TTC22: variants seen among roughly 807,000 people sequenced by gnomAD.
The protein encoded by TTC22 is tetratricopeptide repeat domain 22.
Under a neutral mutation model 48.2 loss-of-function variants are expected in TTC22, and 42 were observed. The observed-to-expected ratio is 0.87, with a 90% CI of 0.68 to 1.13. The LOEUF (loss-of-function observed/expected upper bound fraction) is 1.13, where lower values mean the gene tolerates loss of function less well. Among genes scored for constraint, TTC22 ranks in the 50% most tolerant of loss-of-function variants. TTC22 has a pLI of 0.00. For synonymous variants in TTC22, 345 were observed against 365.5 expected (o/e 0.94, Z 0.64); for missense variants, 784 against 807.0 (o/e 0.97, Z 0.34).
At chr1:54,796,176 G>A (rs949997192) in intron 1 of TTC22, among the ~76,000 whole-genome samples, 2 of 152,216 alleles carry the variant, frequency 1.3e-5, no homozygotes, top group Non-Finnish European at 2.9e-5. Flanking sequence ...GTGTGTGCGC[G>A]TGTGTGTGTC....
rs1218326444 is a variant in TTC22, at chr1:54,782,550, A to G, written c.1021-73T>C. ...CTGCCTTCCTCTCTGCTCTAAATGAACCCAGTCTTTTTTTCAACAGCAACC... is the reference window on the plus strand; with the variant it reads ...CTGCCTTCCTCTCTGCTCTAAATGAGCCCAGTCTTTTTTTCAACAGCAACC... On this transcript the variant is annotated intron_variant, in intron 5 of 6. Coordinates refer to ENST00000371276, the MANE Select transcript of TTC22 (RefSeq NM_001114108.2). The G allele has an allele frequency of 5.0e-6, 7 of 1,407,902 alleles. No individual in the cohort carries two copies. The African/African-American group carries it at 1.0e-4, about 21-fold the overall frequency. The allele number at this position is 1,407,902 out of a possible 1,614,324, so 87.2% of individuals were successfully genotyped here.
rs144138503 is a variant in TTC22, at chr1:54,796,704, T to C, written c.567+3893A>G. ...GCTTGGGACAGGGATTTTTTTTTAA[T>C]CTTAGACAATAAATAGGGATTTTAT... On this transcript the variant is annotated intron_variant, in intron 1 of 6. Coordinates refer to ENST00000371276, the MANE Select transcript of TTC22 (RefSeq NM_001114108.2). Among the ~76,000 whole-genome samples, 20 of 152,108 alleles carry C rather than the reference T, an allele frequency of 1.3e-4. No individual in the cohort carries two copies. In the East Asian group the frequency reaches 3.9e-3, roughly 29 times the overall value.
chr1:54,789,408 G>A (rs911652980), intron 1 of TTC22, among the ~76,000 whole-genome samples: 2 of 152,240 alleles, frequency 1.3e-5, no homozygotes, highest in African/African-American at 4.8e-5. Context: ...TGATGGGTGT[G>A]CAGCACACAG....
Position 54,787,066 on chromosome 1 carries a change from C to A in TTC22, c.749G>T (p.Trp250Leu). The stretch of plus-strand genomic sequence containing the variant: ...CTCCAGCAGCATCCCGAGGTAGCAC[C>A]AGGCCAGGGCTGGGGGTGAAGGGTG... ...SEDPRHRALAWCYLGMLLERK... is the reference protein window; with the variant it reads ...SEDPRHRALALCYLGMLLERK... The change falls in exon 4 of 7, where the codon TGG becomes TTG. Residue 250 changes from tryptophan (W) to leucine (L), a missense_variant. By Grantham distance (61) the Trp-to-Leu change is moderately conservative. Transcript: ENST00000371276. The A allele has an allele frequency of 2.0e-6, 3 of 1,513,944 alleles. No individual in the cohort carries two copies. The highest frequency in any genetic ancestry group is 2.6e-5 in the South Asian group (2 of 78,118). The allele number at this position is 1,513,944 out of a possible 1,614,324, so 93.8% of individuals were successfully genotyped here.
chr1:54,781,159 A>T lies in TTC22; in HGVS notation c.*84T>A. ...CTCCGCTCCCAGGTCAGCCTAAGGC[A>T]GGGAGTCCATCCGGACCTGGTCCCA... On this transcript the variant is annotated 3_prime_UTR_variant, in exon 7 of 7. Coordinates refer to ENST00000371276, the MANE Select transcript of TTC22 (RefSeq NM_001114108.2). 1.0e-6 allele frequency: 1 copy of T among 999,960 alleles called. No individual in the cohort carries two copies. The highest frequency in any genetic ancestry group is 1.3e-6 in the Non-Finnish European group (1 of 743,898). The allele number at this position is 999,960 out of a possible 1,614,324, so 61.9% of individuals were successfully genotyped here. A position where few individuals can be genotyped will look rare whatever the true frequency, so the allele number is the denominator to read the frequency against.
intron 1 of TTC22, among the ~76,000 whole-genome samples, chr1:54,792,327 C>G (rs2101462229): frequency 6.6e-6 from 1 of 152,324 alleles, no homozygotes; most frequent in African/African-American, 2.4e-5. Flanking sequence ...ATACACAGAC[C>G]TAGTCAGAAG....
intron 5 of TTC22, chr1:54,784,778 G>A (rs536955715): frequency 1.3e-5 from 17 of 1,297,420 alleles, no homozygotes; most frequent in East Asian, 5.7e-5. Context: ...AGGACTCTTC[G>A]GCTTGCAGTG....
chr1:54,801,247 C>G lies in TTC22; in HGVS notation c.-84G>C, dbSNP rs968447682. ...GATGGGGGCGTTCCCCGAGCGAGCT[C>G]CGTGCGGGAGGCGAGGGGCAGCCGG... On this transcript the variant is annotated 5_prime_UTR_variant, in exon 1 of 7. Coordinates refer to ENST00000371276, the MANE Select transcript of TTC22 (RefSeq NM_001114108.2). 7.0e-7 allele frequency: 1 copy of G among 1,422,314 alleles called. No homozygotes were observed. Among genetic ancestry groups the G allele is most frequent in the South Asian group, 1.3e-5 (1 of 78,910 alleles). 88.1% of individuals were successfully genotyped at this position (1,422,314 alleles called of 1,614,324 possible).
At position 54,780,084 on chromosome 1, in the gene TTC22, A is replaced by C. The variant is rs1218204916; in HGVS notation, c.*1159T>G. 6.6e-6 allele frequency: 1 copy of C among 152,104 alleles called. No individual in the cohort carries two copies. Among genetic ancestry groups the C allele is most frequent in the Non-Finnish European group, 1.5e-5 (1 of 68,042 alleles). 9.4% of individuals were successfully genotyped at this position (152,104 alleles called of 1,614,324 possible). A position where few individuals can be genotyped will look rare whatever the true frequency, so the allele number is the denominator to read the frequency against. On this transcript the variant is annotated 3_prime_UTR_variant, in exon 7 of 7. Transcript: ENST00000371276. ...CAGTGAGCTGAGATCTGGCCACTGC[A>C]CTCCAGCCTGGGCGACAGAGTGAGA...
Position 54,800,889 on chromosome 1 carries a change from A to T in TTC22, c.275T>A (p.Val92Glu), listed in dbSNP as rs1166607566. Residue 92 changes from valine to glutamate, a missense_variant, in exon 1 of 7, where the codon GTG becomes GAG. Physicochemically the swap from Val to Glu is moderately radical, Grantham distance 121. Coordinates refer to ENST00000371276, the MANE Select transcript of TTC22 (RefSeq NM_001114108.2). Reference sequence around the variant, plus strand: ...GAGGTTGCCCGGGTGCTCGTGGGCCACCTCGAGGAAGCACTCGCGGGCCTC... The same window carrying T: ...GAGGTTGCCCGGGTGCTCGTGGGCCTCCTCGAGGAAGCACTCGCGGGCCTC... Reference protein sequence around the residue: ...LDEARECFLEVAHEHPGNLNA... With the variant: ...LDEARECFLEEAHEHPGNLNA... The T allele has an allele frequency of 6.2e-7, 1 of 1,610,432 alleles. No homozygotes were observed. Among genetic ancestry groups the T allele is most frequent in the Non-Finnish European group, 8.5e-7 (1 of 1,179,412 alleles).
intron 5 of TTC22, chr1:54,784,680 G>T (rs1646286849): frequency 8.7e-7 from 1 of 1,143,606 alleles, no homozygotes; most frequent in Non-Finnish European, 1.1e-6. Context: ...GTACCTGCTG[G>T]CAAAGTAATT....
In TTC22 at chr1:54,800,612, T is replaced by C; in HGVS notation, c.552A>G (p.Leu184=). 6.5e-7 allele frequency: 1 copy of C among 1,539,794 alleles called. No homozygotes were observed. Among genetic ancestry groups the C allele is most frequent in the Non-Finnish European group, 8.6e-7 (1 of 1,156,260 alleles). Residue 184 remains leucine (L), a synonymous_variant, in exon 1 of 7, where the codon CTA becomes CTG. Transcript: ENST00000371276. The stretch of plus-strand genomic sequence containing the variant: ...GGTCACCTACCTGCTGCCCGTAGCC[T>C]AGCGCCTTGTCGTAGAGCGCGATGC... ...AAGIALYDKA[L]GYGQQIPMEE...
intron 1 of TTC22, among the ~76,000 whole-genome samples, chr1:54,792,181 A>C (rs1646357036): frequency 6.6e-6 from 1 of 152,240 alleles, no homozygotes; most frequent in Non-Finnish European, 1.5e-5. Context: ...ATTTTCAAAA[A>C]AGTAGCTAAT....
chr1:54,787,835 G>T lies in TTC22; in HGVS notation c.624-9C>A, dbSNP rs778142210. 3.1e-6 allele frequency: 5 copies of T among 1,598,988 alleles called. No homozygotes were observed. Among genetic ancestry groups the T allele is most frequent in the Middle Eastern group, 3.3e-4 (2 of 6,044 alleles). ...GGAAGATGCCATCTAGCCTGTGGCCGAGAAGGAGATGTGGTTGGGTGGCAC... is the reference window on the plus strand; with the variant it reads ...GGAAGATGCCATCTAGCCTGTGGCCTAGAAGGAGATGTGGTTGGGTGGCAC... On this transcript the variant is annotated splice_polypyrimidine_tract_variant and intron_variant, in intron 2 of 6. Coordinates refer to ENST00000371276, the MANE Select transcript of TTC22 (RefSeq NM_001114108.2).
chr1:54,784,384 G>C (rs1308981269), intron 5 of TTC22, among the ~76,000 whole-genome samples: 1 of 152,178 alleles, frequency 6.6e-6, no homozygotes, highest in Non-Finnish European at 1.5e-5. Flanking sequence ...GACACCAGAT[G>C]GTGATGGAGG....
chr1:54,788,256 T>C (rs973343595), intron 1 of TTC22, among the ~76,000 whole-genome samples, 159 bp from the exon 2 acceptor site: 1 of 152,206 alleles, frequency 6.6e-6, no homozygotes, highest in Non-Finnish European at 1.5e-5. Context: ...TGCCCCTGAC[T>C]GGCTGGGTGG....
chr1:54,785,854 A>G, intron 5 of TTC22, 129 bp downstream of exon 5: 1 of 841,606 alleles, frequency 1.2e-6, no homozygotes, highest in Non-Finnish European at 1.8e-6. Flanking sequence ...GTGTTTTTTG[A>G]TGGCTCCTAA....
rs769667983 is a variant in TTC22 at position 54,801,109 on chromosome 1, C to A, written c.55G>T (p.Asp19Tyr). 9.9e-6 allele frequency: 16 copies of A among 1,611,548 alleles called. No individual in the cohort carries two copies. The South Asian group carries it at 1.2e-4, about 12-fold the overall frequency. Residue 19 changes from aspartate (D) to tyrosine (Y), a missense_variant, in exon 1 of 7, where the codon GAC becomes TAC. By Grantham distance (160) the Asp-to-Tyr change is radical (BLOSUM62 -3). Coordinates refer to ENST00000371276, the MANE Select transcript of TTC22 (RefSeq NM_001114108.2). ...AGGTGAAAGTGGCCCGGGAGGTAGT[C>A]CAGGTCGTCGATGAGGGCGTCTAGA... ...DDLDALIDDL[D>Y]YLPGHFHLEM...
chr1:54,795,018 G>T (rs74074436), intron 1 of TTC22: 1 of 152,266 alleles, frequency 6.6e-6, no homozygotes, highest in Non-Finnish European at 1.5e-5. Flanking sequence ...CCAGCCTGCC[G>T]CCTGTGGGCC....
Sources: allele counts gnomAD v4.1 joint callset (sites outside exome capture counted in the v4.1 genomes callset), GRCh38; gene constraint gnomAD v4.1.1; transcripts MANE v1.5; gene names NCBI Gene and HGNC (gene_info 2026-07-23, HGNC 2026-07-21).